PTPRF: variants seen among roughly 807,000 people sequenced by gnomAD.
PTPRF encodes protein tyrosine phosphatase receptor type F, also known as receptor-type tyrosine-protein phosphatase F.
PTPRF carries 59 observed loss-of-function variants against 201.8 expected under a neutral mutation model. The ratio of observed to expected loss-of-function variants is 0.29; its 90% CI spans 0.24 to 0.36. PTPRF has a LOEUF of 0.36. Among genes scored for constraint, PTPRF ranks in the 10% least tolerant of loss-of-function variants. The pLI is 1.00. For synonymous variants in PTPRF, 1,088 were observed against 1,089.7 expected, an observed-to-expected ratio of 1.00 and a Z score of 0.03; for missense variants, 2,132 against 2,690.5, an observed-to-expected ratio of 0.79 and a Z score of 4.59.
At position 43,546,178 on chromosome 1, in the gene PTPRF, C is replaced by T. The variant is rs978912190; in HGVS notation, c.91+1012C>T. 1.3e-5 allele frequency among the ~76,000 whole-genome samples: 2 copies of T among 152,206 alleles called. No homozygotes were observed. The highest frequency in any genetic ancestry group is 2.9e-5 in the Non-Finnish European group (2 of 68,044). On this transcript the variant is annotated intron_variant, in intron 3 of 33. Transcript: ENST00000359947. This position sits in a 1 kb window ranked among gnomAD's most constrained non-coding sequence, Gnocchi z 4.2. ...TCTCTCCCCTTGCCCCACCAGGGCT[C>T]TTTCTCCTAATGGCTCATTAATTAT...
rs56724742 is a variant in PTPRF, at chr1:43,546,099, C to T, written c.91+933C>T. ...CAGGGCCAACCCTGGGGTCAGCCCA[C>T]GGGTCACCAGGCCATAGGGCTCCCC... On this transcript the variant is annotated intron_variant, in intron 3 of 33. Transcript: ENST00000359947. The surrounding 1 kb of genome is among the most constrained non-coding windows in gnomAD (Gnocchi z 4.2). Among the ~76,000 whole-genome samples the T allele has an allele frequency of 7.5e-3, 1,139 of 152,278 alleles. 15 individuals are homozygous for T. The highest frequency in any genetic ancestry group is 0.026 in the African/African-American group (1,068 of 41,552).
chr1:43,592,798 G>T (rs1205590345), intron 11 of PTPRF, among the ~76,000 whole-genome samples, 197 bp downstream of exon 11: 2 of 152,116 alleles, frequency 1.3e-5, no homozygotes, highest in Non-Finnish European at 2.9e-5. Flanking sequence ...AGTCCAGGCG[G>T]CTGCTGCCCT....
In PTPRF at chr1:43,613,706, G is replaced by C; in HGVS notation, c.4062G>C (p.Gln1354His). The change falls in exon 23 of 34, where the codon CAG becomes CAC. Residue 1354 changes from glutamine (Q) to histidine (H), a missense_variant. Gln to His is a conservative substitution (Grantham distance 24). This residue lies in a region of PTPRF where 818 missense variants were observed against 915.3 expected (regional missense o/e 0.89). Transcript: ENST00000359947. ...LKANDGLKFS[Q>H]EYESIDPGQQ... ...CCAACGATGGCCTCAAGTTCTCCCA[G>C]GAGTATGAGGTGAGATGTTCCCGCC... 6.2e-7 allele frequency: 1 copy of C among 1,613,844 alleles called. No individual in the cohort carries two copies.
At chr1:43,522,780 G>T (rs776986959), upstream of PTPRF, among the ~76,000 whole-genome samples, 3 of 152,192 alleles carry the variant, frequency 2.0e-5, no homozygotes, top group Non-Finnish European at 4.4e-5. Context: ...TGGCGCCACC[G>T]CAGAGGACTG....
At position 43,621,243 on chromosome 1, in the gene PTPRF, C is replaced by G; in HGVS notation, c.5655+11C>G. 6.2e-7 allele frequency: 1 copy of G among 1,613,210 alleles called. No individual in the cohort carries two copies. Among genetic ancestry groups the G allele is most frequent in the South Asian group, 1.1e-5 (1 of 91,006 alleles). Reference sequence around the variant, plus strand: ...ATGGTGCAGACAGAGGTAACGCAGACCAGGCTGCAGGGCCAGGGCCTTGGC... The same window carrying G: ...ATGGTGCAGACAGAGGTAACGCAGAGCAGGCTGCAGGGCCAGGGCCTTGGC... On this transcript the variant is annotated intron_variant, in intron 33 of 33. Transcript: ENST00000359947.
intron 3 of PTPRF, among the ~76,000 whole-genome samples, chr1:43,551,547 A>C (rs1440355562): frequency 6.6e-6 from 1 of 152,122 alleles, no homozygotes; most frequent in Admixed American, 6.5e-5. Flanking sequence ...CTCTAAGAAC[A>C]TAGTCAGTCC....
intron 5 of PTPRF, among the ~76,000 whole-genome samples, chr1:43,562,689 G>C (rs1320475321): frequency 6.6e-6 from 1 of 152,064 alleles, no homozygotes; most frequent in Non-Finnish European, 1.5e-5. Context: ...TGGGATTACA[G>C]GCATGAGCCA....
At chr1:43,617,081 T>C (rs192516586) in intron 23 of PTPRF, among the ~76,000 whole-genome samples, 37 of 151,866 alleles carry the variant, frequency 2.4e-4, no homozygotes, top group Middle Eastern at 3.4e-3. Context: ...GGACTCTGGG[T>C]GTTCAGAGCC....
At chr1:43,559,303 G>A (rs1196808325) in intron 5 of PTPRF, among the ~76,000 whole-genome samples, 1 of 152,130 alleles carries the variant, frequency 6.6e-6, no homozygotes, top group Non-Finnish European at 1.5e-5. Flanking sequence ...ACTGCATGCT[G>A]TATGGGCTGT....
At chr1:43,618,776 C>G in intron 26 of PTPRF, 27 bp downstream of exon 26, 1 of 1,586,142 alleles carries the variant, frequency 6.3e-7, no homozygotes, top group Non-Finnish European at 8.6e-7. Flanking sequence ...GTGCATATCT[C>G]TTACCCAGAC....
rs922498531 is a variant in PTPRF at position 43,604,967 on chromosome 1, T to C, written c.3102T>C (p.Val1034=). The stretch of plus-strand genomic sequence containing the variant: ...CGTCTGTGCTGCTCAGCTGGGAGGT[T>C]CCCGACTCCTATAAGTCAGCTGTGC... ...MKTSVLLSWE[V]PDSYKSAVPF... Residue 1034 remains valine (V), a synonymous_variant, in exon 17 of 34, where the codon GTT becomes GTC. Coordinates refer to ENST00000359947, the MANE Select transcript of PTPRF (RefSeq NM_002840.5). The C allele has an allele frequency of 1.2e-6, 2 of 1,614,134 alleles. No individual in the cohort carries two copies. Among genetic ancestry groups the C allele is most frequent in the Non-Finnish European group, 1.7e-6 (2 of 1,180,032 alleles).
At chr1:43,590,641 A>G (rs913550491) in intron 8 of PTPRF, among the ~76,000 whole-genome samples, 1 of 152,224 alleles carries the variant, frequency 6.6e-6, no homozygotes, top group Non-Finnish European at 1.5e-5. Flanking sequence ...TCTTTCATCT[A>G]CATGGGACTG....
chr1:43,534,935 G>A (rs996528423), intron 1 of PTPRF, among the ~76,000 whole-genome samples: 6 of 152,206 alleles, frequency 3.9e-5, no homozygotes, highest in African/African-American at 1.4e-4. Context: ...TGCCTTATAA[G>A]GGTTGTTATG....
At chr1:43,595,173 G>A (rs1296286685) in intron 11 of PTPRF, among the ~76,000 whole-genome samples, 2 of 152,142 alleles carry the variant, frequency 1.3e-5, no homozygotes, top group Admixed American at 1.3e-4. Flanking sequence ...AGAGAGGGCC[G>A]TGGAGCTGAG....
chr1:43,544,110 C>T (rs1389728401), intron 2 of PTPRF, among the ~76,000 whole-genome samples: 2 of 152,216 alleles, frequency 1.3e-5, no homozygotes, highest in African/African-American at 4.8e-5. Context: ...GGCCTAGGGG[C>T]ATTCAGCCAG....
intron 1 of PTPRF, among the ~76,000 whole-genome samples, chr1:43,535,327 T>A (rs969461482): frequency 2.6e-5 from 4 of 152,112 alleles, no homozygotes; most frequent in African/African-American, 9.7e-5. Context: ...AAGGGAATTT[T>A]GAGAAGGGGC....
Position 43,620,830 on chromosome 1 carries a change from T to C in PTPRF, c.5365-8T>C. The stretch of plus-strand genomic sequence containing the variant: ...ATTCTAATCATGTACCCCACCCACC[T>C]TTCCCAGGATGGGCAGTCAAGGACA... On this transcript the variant is annotated splice_polypyrimidine_tract_variant and splice_region_variant and intron_variant, in intron 31 of 33. Transcript: ENST00000359947. The C allele has an allele frequency of 6.2e-7, 1 of 1,608,256 alleles. No homozygotes were observed. Among genetic ancestry groups the C allele is most frequent in the Non-Finnish European group, 8.5e-7 (1 of 1,176,670 alleles).
chr1:43,621,561 G>T (rs1414478102), intron 33 of PTPRF, among the ~76,000 whole-genome samples: 2 of 152,334 alleles, frequency 1.3e-5, no homozygotes, highest in Non-Finnish European at 2.9e-5. Flanking sequence ...GTGCTGCCTG[G>T]GGGCTCAGGG....
intron 5 of PTPRF, among the ~76,000 whole-genome samples, chr1:43,561,676 G>T (rs887148957): frequency 5.3e-5 from 8 of 152,146 alleles, no homozygotes; most frequent in African/African-American, 1.7e-4. Flanking sequence ...CCCCATGACT[G>T]CAGTAGATTT....
Sources: gnomAD v4.1 joint callset for allele counts (sites outside exome capture counted in the v4.1 genomes callset) on GRCh38, gnomAD v4.1.1 for gene constraint, gnomAD v4.1.1 regional missense constraint, Gnocchi (gnomAD v3.1) non-coding constraint, MANE v1.5 for transcripts, NCBI Gene and HGNC (gene_info 2026-07-23, HGNC 2026-07-21) for gene names.